Variants in NXPH2 observed in about 807,000 individuals in gnomAD.
The protein encoded by NXPH2 is neurexophilin-2.
In NXPH2, 5 loss-of-function variants were observed where a neutral mutation model predicts 19.8. The observed-to-expected ratio is 0.25, with a 90% CI of 0.13 to 0.53. The LOEUF (loss-of-function observed/expected upper bound fraction) is 0.53, where lower values mean the gene tolerates loss of function less well. NXPH2 is among the 20% of genes least tolerant of loss of function. The probability of loss-of-function intolerance (pLI) is 0.96; values close to 1 mark genes in which losing one functional copy is unlikely to be tolerated. For synonymous variants in NXPH2, 154 were observed against 127.4 expected, an observed-to-expected ratio of 1.21 and a Z score of -1.41; for missense variants, 289 against 322.8, an observed-to-expected ratio of 0.90 and a Z score of 0.80.
chr2:138,756,377 T>G (rs1047187756), intron 1 of NXPH2, among the ~76,000 whole-genome samples: 3 of 152,036 alleles, frequency 2.0e-5, no homozygotes. Context: ...CAGCACCAAT[T>G]ATTTTAAGCA....
intron 1 of NXPH2, among the ~76,000 whole-genome samples, chr2:138,682,961 T>G (rs1680600021): frequency 6.6e-6 from 1 of 152,166 alleles, no homozygotes; most frequent in Admixed American, 6.5e-5. Context: ...TTTAGGAGGA[T>G]AGTGTCAAAG....
intron 1 of NXPH2, among the ~76,000 whole-genome samples, chr2:138,698,407 T>G (rs972378873): frequency 6.6e-6 from 1 of 152,034 alleles, no homozygotes; most frequent in African/African-American, 2.4e-5. Flanking sequence ...GGCAGAAAGG[T>G]TTCTCATAAT....
In NXPH2 at chr2:138,677,732, T is replaced by C. The variant is rs536995204; in HGVS notation, c.52-6067A>G. ...CCTGTCACAAATTATGGAAATAATT[T>C]ATAAACTAAAAAGCATCTTCCTCTG... On this transcript the variant is annotated intron_variant, in intron 1 of 1. Coordinates refer to ENST00000272641, the MANE Select transcript of NXPH2 (RefSeq NM_007226.3). Among the ~76,000 whole-genome samples the C allele has an allele frequency of 1.4e-4, 22 of 152,352 alleles. No individual in the cohort carries two copies. In the South Asian group the frequency reaches 4.6e-3, roughly 32 times the overall value.
intron 1 of NXPH2, among the ~76,000 whole-genome samples, chr2:138,699,501 T>C (rs1035781007): frequency 6.6e-6 from 1 of 152,072 alleles, no homozygotes; most frequent in Non-Finnish European, 1.5e-5. Flanking sequence ...CCCTCTGGCT[T>C]CCTGTGCTAC....
chr2:138,732,872 C>T (rs1037499598), intron 1 of NXPH2, among the ~76,000 whole-genome samples: 2 of 152,152 alleles, frequency 1.3e-5, no homozygotes, highest in African/African-American at 4.8e-5. Context: ...GCACATTTGA[C>T]TTAAAGCCAA....
At chr2:138,742,986 G>A (rs1573974319) in intron 1 of NXPH2, among the ~76,000 whole-genome samples, 1 of 152,306 alleles carries the variant, frequency 6.6e-6, no homozygotes, top group East Asian at 1.9e-4. Flanking sequence ...CTAAATCCAT[G>A]TGTATTAGTA....
chr2:138,755,038 G>A (rs965761493), intron 1 of NXPH2, among the ~76,000 whole-genome samples: 1 of 151,890 alleles, frequency 6.6e-6, no homozygotes. Context: ...AGATCTTTTG[G>A]CCATCTTTAA....
chr2:138,716,671 C>A (rs1238598561), intron 1 of NXPH2, among the ~76,000 whole-genome samples: 1 of 152,128 alleles, frequency 6.6e-6, no homozygotes, highest in Non-Finnish European at 1.5e-5. Context: ...CCTGAGTAGC[C>A]CCTTATGATC....
chr2:138,673,684 G>A (rs1272141147), intron 1 of NXPH2, among the ~76,000 whole-genome samples: 2 of 147,386 alleles, frequency 1.4e-5, no homozygotes, highest in Admixed American at 6.8e-5. Flanking sequence ...TCAGTTTGAT[G>A]CCCAGGTGGT....
intron 1 of NXPH2, among the ~76,000 whole-genome samples, chr2:138,758,871 A>T (rs1681956392): frequency 6.6e-6 from 1 of 152,176 alleles, no homozygotes; most frequent in African/African-American, 2.4e-5. Flanking sequence ...CAGCTGGTTG[A>T]ATCTCTATAT....
chr2:138,684,567 G>A lies in NXPH2; in HGVS notation c.52-12902C>T, dbSNP rs1406403599. Among the ~76,000 whole-genome samples, 5 of 152,022 alleles carry A rather than the reference G, an allele frequency of 3.3e-5. No homozygotes were observed. The East Asian group carries it at 9.6e-4, about 29-fold the overall frequency. ...TATTTAGTTGCATAATAGGTCAAAT[G>A]CTCTGGAAAAAAGATCTTGCAATCA... On this transcript the variant is annotated intron_variant, in intron 1 of 1. Transcript: ENST00000272641.
intron 1 of NXPH2, among the ~76,000 whole-genome samples, chr2:138,750,304 T>C (rs541677582): frequency 1.3e-5 from 2 of 152,252 alleles, no homozygotes; most frequent in East Asian, 1.9e-4. Flanking sequence ...ATGAAGTAAA[T>C]AGAGTAAGTA....
intron 1 of NXPH2, among the ~76,000 whole-genome samples, chr2:138,676,123 GT>G (rs1558910971): frequency 1.3e-5 from 2 of 152,026 alleles, no homozygotes; most frequent in African/African-American, 4.8e-5. Flanking sequence ...TAAAATACAC[GT>G]ACAGTTCTCA....
At chr2:138,671,751 A>C in intron 1 of NXPH2, 86 bp from the exon 2 acceptor site, 1 of 1,322,582 alleles carries the variant, frequency 7.6e-7, no homozygotes, top group East Asian at 2.4e-5. Context: ...AAGGGAAATT[A>C]TTTCAACATT....
intron 1 of NXPH2, among the ~76,000 whole-genome samples, chr2:138,714,216 G>A (rs1681155643): frequency 6.6e-6 from 1 of 152,228 alleles, no homozygotes; most frequent in East Asian, 1.9e-4. Context: ...GTACATAGGG[G>A]CAGAGGGCAT....
chr2:138,708,684 A>C (rs914238207), intron 1 of NXPH2, among the ~76,000 whole-genome samples: 4 of 152,204 alleles, frequency 2.6e-5, no homozygotes, highest in African/African-American at 9.7e-5. Flanking sequence ...TATTCTTTGA[A>C]TGTTGTTCTA....
chr2:138,741,706 G>C (rs967810189), intron 1 of NXPH2, among the ~76,000 whole-genome samples: 1 of 152,164 alleles, frequency 6.6e-6, no homozygotes, highest in Admixed American at 6.5e-5. Flanking sequence ...GGTACTTAGT[G>C]GATTACATAC....
intron 1 of NXPH2, among the ~76,000 whole-genome samples, chr2:138,687,805 T>G (rs1680683955): frequency 6.6e-6 from 1 of 152,188 alleles, no homozygotes; most frequent in South Asian, 2.1e-4. Flanking sequence ...AATCCTTTCC[T>G]TATTTCTTGT....
intron 1 of NXPH2, among the ~76,000 whole-genome samples, chr2:138,744,580 C>T (rs757681470): frequency 6.6e-5 from 10 of 152,156 alleles, no homozygotes; most frequent in East Asian, 1.9e-4. Flanking sequence ...GTTACTGATG[C>T]GTTTAATCTG....
Sources: gnomAD v4.1 joint callset for allele counts (sites outside exome capture counted in the v4.1 genomes callset) on GRCh38, gnomAD v4.1.1 for gene constraint, MANE v1.5 for transcripts, NCBI Gene and HGNC (gene_info 2026-07-23, HGNC 2026-07-21) for gene names.